Variants in SPTA1 observed in about 807,000 individuals in gnomAD.
SPTA1 encodes the protein spectrin alpha chain, erythrocytic 1.
In SPTA1, 177 loss-of-function variants were observed where a neutral mutation model predicts 324.7. The observed-to-expected ratio is 0.55, with a 90% CI of 0.48 to 0.62. The LOEUF is 0.62. SPTA1 is among the 20% of genes least tolerant of loss of function. The probability of loss-of-function intolerance (pLI) is 0.00; values close to 1 mark genes in which losing one functional copy is unlikely to be tolerated. For synonymous variants in SPTA1, 1,195 were observed against 1,041.3 expected (o/e 1.15, Z -2.84); for missense variants, 3,162 against 2,883.6 (o/e 1.10, Z -2.21).
intron 5 of SPTA1, 38 bp from the exon 6 acceptor site, chr1:158,678,572 G>A (rs765364598): frequency 3.1e-6 from 5 of 1,607,408 alleles, no homozygotes; most frequent in South Asian, 2.2e-5. Context: ...ATACAGAGAT[G>A]AGATTATATT....
At chr1:158,643,935 G>A (rs1209911974) in intron 30 of SPTA1, among the ~76,000 whole-genome samples, 2 of 151,974 alleles carry the variant, frequency 1.3e-5, no homozygotes, top group South Asian at 2.1e-4. Flanking sequence ...TCAGGAGTTC[G>A]AGACCAGCCT....
chr1:158,638,987 T>C lies in SPTA1; in HGVS notation c.4980+595A>G, dbSNP rs74121781. On this transcript the variant is annotated intron_variant, in intron 35 of 51. Transcript: ENST00000643759. ...CTATTCTAACCCAGCCCCTTAGTGA[T>C]GTCACAGGAAACATCACCAAGTCCC... Among the ~76,000 whole-genome samples the C allele has an allele frequency of 8.7e-3, 1,332 of 152,246 alleles. 21 individuals are homozygous for C. The highest frequency in any genetic ancestry group is 0.031 in the African/African-American group (1,273 of 41,530).
chr1:158,679,772 A>G (rs180752825), intron 5 of SPTA1, among the ~76,000 whole-genome samples: 1 of 152,308 alleles, frequency 6.6e-6, no homozygotes, highest in East Asian at 1.9e-4. Flanking sequence ...GATTGGTTAG[A>G]CAGTAATAGA....
chr1:158,680,990 G>T (rs1341625826), intron 4 of SPTA1, among the ~76,000 whole-genome samples: 3 of 152,116 alleles, frequency 2.0e-5, no homozygotes, highest in Admixed American at 2.0e-4. Flanking sequence ...GTACCCTTTT[G>T]TGTTTTGAAA....
At chr1:158,625,141 C>A (rs1298596135) in intron 42 of SPTA1, among the ~76,000 whole-genome samples, 1 of 152,004 alleles carries the variant, frequency 6.6e-6, no homozygotes, top group African/African-American at 2.4e-5. Context: ...ACAAAAGGCA[C>A]ATACAAAATA....
intron 17 of SPTA1, among the ~76,000 whole-genome samples, chr1:158,661,720 T>C (rs959260413): frequency 3.9e-5 from 6 of 152,202 alleles, no homozygotes; most frequent in Non-Finnish European, 8.8e-5. Flanking sequence ...AGGCACACAA[T>C]TGTCTTTCAG....
rs148189736 is a variant in SPTA1 at position 158,646,919 on chromosome 1, A to T, written c.3896+620T>A. ...TTTGAGAGGTGAATTTTGGATTGTG[A>T]TAATGTCTAGACTTTAGTAAGATAT... On this transcript the variant is annotated intron_variant, in intron 27 of 51. Transcript: ENST00000643759. Among the ~76,000 whole-genome samples the T allele has an allele frequency of 7.9e-5, 12 of 152,258 alleles. 1 individual carries two copies. The East Asian group carries it at 2.3e-3, about 29-fold the overall frequency.
At chr1:158,669,639 A>G (rs775525510) in intron 13 of SPTA1, 70 bp downstream of exon 13, 8 of 1,613,924 alleles carry the variant, frequency 5.0e-6, no homozygotes, top group African/African-American at 1.3e-5. Context: ...CACCCTGGTC[A>G]CCATGCCCAC....
chr1:158,661,156 C>T, intron 18 of SPTA1, 131 bp downstream of exon 18: 1 of 1,403,244 alleles, frequency 7.1e-7, no homozygotes, highest in South Asian at 1.2e-5. Context: ...GTCAGAAATG[C>T]CAAAAGAGCA....
rs769027409 is a variant in SPTA1, at chr1:158,662,825, G to A, written c.2341C>T (p.Pro781Ser). The A allele has an allele frequency of 6.2e-7, 1 of 1,614,058 alleles. No homozygotes were observed. The highest frequency in any genetic ancestry group is 8.5e-7 in the Non-Finnish European group (1 of 1,179,970). ...AGCTTCTTCTTTCGGGTGGCCAGTG[G>A]CTCTTTCAGAGCTTCAAATCGGCAT... The part of the protein sequence containing the change: ...LVCRFEALKE[P>S]LATRKKKLLD... Residue 781 changes from proline (P) to serine (S), a missense_variant, in exon 17 of 52, where the codon CCA becomes TCA. Physicochemically the swap from Pro to Ser is moderately conservative, Grantham distance 74. Coordinates refer to ENST00000643759, the MANE Select transcript of SPTA1 (RefSeq NM_003126.4).
chr1:158,640,076 T>A lies in SPTA1; in HGVS notation c.4738-69A>T. The A allele has an allele frequency of 3.1e-6, 5 of 1,604,246 alleles. No homozygotes were observed. In the South Asian group the frequency reaches 5.5e-5, roughly 18 times the overall value. On this transcript the variant is annotated intron_variant, in intron 33 of 51. Transcript: ENST00000643759. ...CGGGCCCTGTGACTACTTGAGAGAATAATGTAGGAAGGCTGTGAAGGCAGG... is the reference window on the plus strand; with the variant it reads ...CGGGCCCTGTGACTACTTGAGAGAAAAATGTAGGAAGGCTGTGAAGGCAGG...
chr1:158,677,200 G>C (rs995765930), intron 7 of SPTA1, among the ~76,000 whole-genome samples: 4 of 152,052 alleles, frequency 2.6e-5, no homozygotes, highest in African/African-American at 9.7e-5. Context: ...AGGTTTTCCA[G>C]GTTTTAAAAG....
At position 158,672,177 on chromosome 1, in the gene SPTA1, T is replaced by G; in HGVS notation, c.1370A>C (p.Asn457Thr). ...VREKMEILDN[N>T]WTALLELWDE... ...CCACAGTTCCAGCAGGGCAGTCCAGTTGTTGTCAAGTATTTCCATCTTTGG... is the reference window on the plus strand; with the variant it reads ...CCACAGTTCCAGCAGGGCAGTCCAGGTGTTGTCAAGTATTTCCATCTTTGG... The change falls in exon 11 of 52, where the codon AAC becomes ACC. Residue 457 changes from asparagine to threonine, a missense_variant. Physicochemically the swap from Asn to Thr is moderately conservative, Grantham distance 65 (BLOSUM62 0). Transcript: ENST00000643759. 6.2e-7 allele frequency: 1 copy of G among 1,614,014 alleles called. No individual in the cohort carries two copies. Among genetic ancestry groups the G allele is most frequent in the Non-Finnish European group, 8.5e-7 (1 of 1,179,936 alleles).
Position 158,645,300 on chromosome 1 carries a change from T to A in SPTA1, c.4082A>T (p.His1361Leu). 6.2e-7 allele frequency: 1 copy of A among 1,614,030 alleles called. No homozygotes were observed. The highest frequency in any genetic ancestry group is 1.1e-5 in the South Asian group (1 of 91,084). ...CTTTTTTTCAATTTCAGGGCTAGCATGGTGCCCACTGTCGATAAGTTCTGC... is the reference window on the plus strand; with the variant it reads ...CTTTTTTTCAATTTCAGGGCTAGCAAGGTGCCCACTGTCGATAAGTTCTGC... ...FSAELIDSGHHASPEIEKKLQ... is the reference protein window; with the variant it reads ...FSAELIDSGHLASPEIEKKLQ... Residue 1361 changes from histidine to leucine, a missense_variant, in exon 29 of 52, where the codon CAT (histidine) becomes CTT (leucine). By Grantham distance (99) the His-to-Leu change is moderately conservative (BLOSUM62 -3). Transcript: ENST00000643759.
intron 21 of SPTA1, 96 bp downstream of exon 21, chr1:158,654,515 A>C: frequency 6.6e-7 from 1 of 1,508,016 alleles, no homozygotes; most frequent in South Asian, 1.2e-5. Context: ...TAATAAAATA[A>C]ATGTTAGATG....
intron 23 of SPTA1, 71 bp from the exon 24 acceptor site, chr1:158,651,539 T>C: frequency 1.0e-6 from 1 of 977,612 alleles, no homozygotes; most frequent in Admixed American, 1.7e-5. Context: ...ATCAAGAATC[T>C]ACCATACTTA....
Position 158,672,797 on chromosome 1 carries a change from G to A in SPTA1, c.1351-601C>T, listed in dbSNP as rs908349231. On this transcript the variant is annotated intron_variant, in intron 10 of 51. Transcript: ENST00000643759. ...TTACACCTGCAGCTGTATTATCTCCGTCAAAAAAGCAGAATATGGCCAGGT... is the reference window on the plus strand; with the variant it reads ...TTACACCTGCAGCTGTATTATCTCCATCAAAAAAGCAGAATATGGCCAGGT... 1.3e-4 allele frequency among the ~76,000 whole-genome samples: 20 copies of A among 152,042 alleles called. 1 individual carries two copies. Among genetic ancestry groups the A allele is most frequent in the Admixed American group, 7.2e-4 (11 of 15,256 alleles).
In SPTA1 at chr1:158,620,269, G is replaced by T; in HGVS notation, c.6318C>A (p.Asp2106Glu). 1.2e-6 allele frequency: 2 copies of T among 1,614,068 alleles called. No homozygotes were observed. Among genetic ancestry groups the T allele is most frequent in the Non-Finnish European group, 1.7e-6 (2 of 1,180,026 alleles). ...QADFKCLLELDQQIKALGVPS... is the reference protein window; with the variant it reads ...QADFKCLLELEQQIKALGVPS... ...GCACACCTAAGGCCTTAATCTGCTG[G>T]TCTAGCTCCAGCAAACATTTAAAGT... is the stretch of plus-strand genomic sequence containing the variant. Residue 2106 changes from aspartate (D) to glutamate (E), a missense_variant, in exon 44 of 52, where the codon GAC (aspartate) becomes GAA (glutamate). Coordinates refer to ENST00000643759, the MANE Select transcript of SPTA1 (RefSeq NM_003126.4).
In SPTA1 at chr1:158,686,636, G is replaced by A. The variant is rs968714125; in HGVS notation, c.-119C>T. Reference sequence around the variant, plus strand: ...ATAGAAATATAGAAACGTTAAGTATGTGGGGGAAAAAAAAAAACCTCTTGC... The same window carrying A: ...ATAGAAATATAGAAACGTTAAGTATATGGGGGAAAAAAAAAAACCTCTTGC... On this transcript the variant is annotated 5_prime_UTR_variant, in exon 1 of 52. Transcript: ENST00000643759. 2 of 729,002 alleles carry A rather than the reference G, an allele frequency of 2.7e-6. No individual in the cohort carries two copies. The highest frequency in any genetic ancestry group is 2.7e-4 in the Middle Eastern group (1 of 3,648). The allele number at this position is 729,002 out of a possible 1,614,324, so 45.2% of individuals were successfully genotyped here.
Sources: gnomAD v4.1 joint callset for allele counts (sites outside exome capture counted in the v4.1 genomes callset) on GRCh38, gnomAD v4.1.1 for gene constraint, MANE v1.5 for transcripts, NCBI Gene and HGNC (gene_info 2026-07-23, HGNC 2026-07-21) for gene names.